Variants in WWOX observed in about 807,000 individuals in gnomAD.
The protein encoded by WWOX is WW domain containing oxidoreductase.
WWOX carries 69 observed loss-of-function variants against 46.2 expected under a neutral mutation model. That is an observed-to-expected ratio of 1.49 (90% CI 1.23 to 1.82). WWOX has a LOEUF of 1.82. WWOX is among the 40% of genes most tolerant of loss of function. WWOX has a pLI of 0.00. For synonymous variants in WWOX, 359 were observed against 202.6 expected, an observed-to-expected ratio of 1.77 and a Z score of -6.56; for missense variants, 919 against 542.6, an observed-to-expected ratio of 1.69 and a Z score of -6.89.
At chr16:79,157,422 CAAA>C (rs551488567) in intron 8 of WWOX, among the ~76,000 whole-genome samples, 5 of 106,780 alleles carry the variant, frequency 4.7e-5, no homozygotes, top group African/African-American at 3.7e-5. Context: ...ATACAATGGC[CAAA>C]AAAAAAAAAA....
chr16:78,770,418 G>C (rs1475431913), intron 8 of WWOX, among the ~76,000 whole-genome samples: 2 of 152,190 alleles, frequency 1.3e-5, no homozygotes, highest in African/African-American at 4.8e-5. Context: ...GTACCAATGG[G>C]GGATGGGGCA....
chr16:78,730,324 C>T (rs185487198), intron 8 of WWOX, among the ~76,000 whole-genome samples: 1 of 152,022 alleles, frequency 6.6e-6, no homozygotes. Context: ...TGCCTCCTTC[C>T]TTTTCTTCCC....
intron 8 of WWOX, among the ~76,000 whole-genome samples, chr16:79,070,471 C>G (rs542637404): frequency 4.1e-4 from 62 of 152,300 alleles, no homozygotes; most frequent in African/African-American, 1.4e-3. Context: ...TTTTTACTCA[C>G]CACCGATGGA....
intron 8 of WWOX, among the ~76,000 whole-genome samples, chr16:79,041,153 C>T (rs559688265): frequency 1.3e-4 from 20 of 152,256 alleles, no homozygotes; most frequent in African/African-American, 4.8e-4. Context: ...TGACACAATA[C>T]AGATATTGAC....
chr16:78,639,193 G>C (rs148218392), intron 8 of WWOX, among the ~76,000 whole-genome samples: 1 of 152,178 alleles, frequency 6.6e-6, no homozygotes, highest in African/African-American at 2.4e-5. Context: ...CTCCCAGGAT[G>C]TACAAAGTAC....
chr16:78,338,128 A>G lies in WWOX; in HGVS notation c.517-48732A>G, dbSNP rs1223726161. ...TTTAGGCAGTGTCTTTTGCTTTCAC[A>G]TGGTGTACCCAGTACTATTAATATG... On this transcript the variant is annotated intron_variant, in intron 5 of 8. Coordinates refer to ENST00000566780, the MANE Select transcript of WWOX (RefSeq NM_016373.4). 1.6e-5 allele frequency among the ~76,000 whole-genome samples: 2 copies of G among 121,520 alleles called. 1 individual carries two copies. Among genetic ancestry groups the G allele is most frequent in the Non-Finnish European group, 3.9e-5 (2 of 50,864 alleles). 79.7% of individuals were successfully genotyped at this position (121,520 alleles called of 152,430 possible). A position where few individuals can be genotyped will look rare whatever the true frequency, so the allele number is the denominator to read the frequency against.
chr16:78,867,438 C>T (rs995433112), intron 8 of WWOX, among the ~76,000 whole-genome samples: 1 of 151,780 alleles, frequency 6.6e-6, no homozygotes, highest in Non-Finnish European at 1.5e-5. Flanking sequence ...ATTATAGTTT[C>T]CAATTGACAG....
intron 5 of WWOX, among the ~76,000 whole-genome samples, chr16:78,317,404 A>G (rs2080376851): frequency 6.6e-6 from 1 of 152,196 alleles, no homozygotes; most frequent in African/African-American, 2.4e-5. Context: ...CATCTAGCAG[A>G]TAGATGCTGT....
At chr16:78,788,161 TTATC>T (rs2050502025) in intron 8 of WWOX, among the ~76,000 whole-genome samples, 1 of 152,208 alleles carries the variant, frequency 6.6e-6, no homozygotes, top group African/African-American at 2.4e-5. Flanking sequence ...GAAGTCCCCT[TTATC>T]TATTTTGGAT....
At chr16:78,311,502 C>A (rs1251294562) in intron 5 of WWOX, among the ~76,000 whole-genome samples, 1 of 152,190 alleles carries the variant, frequency 6.6e-6, no homozygotes, top group African/African-American at 2.4e-5. Flanking sequence ...GGCTTTTGAG[C>A]TACTTCCCTC....
At chr16:78,886,219 C>T (rs1318067355) in intron 8 of WWOX, among the ~76,000 whole-genome samples, 4 of 138,980 alleles carry the variant, frequency 2.9e-5, no homozygotes, top group South Asian at 4.9e-4. Context: ...ACCACTGCGC[C>T]TGACTGTACT....
rs7187195 is a variant in WWOX, at chr16:78,597,229, G to C, written c.1056+164477G>C. On this transcript the variant is annotated intron_variant, in intron 8 of 8. Coordinates refer to ENST00000566780, the MANE Select transcript of WWOX (RefSeq NM_016373.4). ...CCCAGGAGCTGTTGGGAAGTCCATA[G>C]GTGCTGTTTCCATTGCTTTTTCATT... 7.1e-3 allele frequency among the ~76,000 whole-genome samples: 1,081 copies of C among 152,274 alleles called. 20 individuals are homozygous for C. The highest frequency in any genetic ancestry group is 0.024 in the African/African-American group (1,009 of 41,538).
At chr16:79,041,927 A>C (rs753015209) in intron 8 of WWOX, among the ~76,000 whole-genome samples, 1 of 151,834 alleles carries the variant, frequency 6.6e-6, no homozygotes, top group Middle Eastern at 3.4e-3. Flanking sequence ...TCTCCTCTCT[A>C]AGAGTCTTGG....
At chr16:78,625,952 A>C (rs1289880910) in intron 8 of WWOX, among the ~76,000 whole-genome samples, 1 of 151,442 alleles carries the variant, frequency 6.6e-6, no homozygotes, top group Admixed American at 6.6e-5. Flanking sequence ...AAGTAATCGC[A>C]GTTTTTGCCA....
At chr16:78,942,582 C>G (rs13334706) in intron 8 of WWOX, among the ~76,000 whole-genome samples, 16,893 of 150,466 alleles carry the variant, frequency 0.11, 1,073 homozygotes, top group African/African-American at 0.16. Context: ...TTCAGACAAT[C>G]AAGGAGAGCG....
intron 5 of WWOX, among the ~76,000 whole-genome samples, chr16:78,250,012 C>G (rs1170556586): frequency 1.3e-5 from 2 of 152,214 alleles, no homozygotes; most frequent in East Asian, 1.9e-4. Flanking sequence ...CAAACCCACT[C>G]CAGACCTGTG....
At chr16:78,846,588 A>G (rs754126330) in intron 8 of WWOX, among the ~76,000 whole-genome samples, 15 of 152,142 alleles carry the variant, frequency 9.9e-5, no homozygotes, top group Non-Finnish European at 2.1e-4. Context: ...TTCGGCCATC[A>G]AGTCAGAGGA....
intron 8 of WWOX, among the ~76,000 whole-genome samples, chr16:78,476,459 G>A (rs1361525915): frequency 1.3e-5 from 2 of 152,108 alleles, no homozygotes; most frequent in African/African-American, 4.8e-5. Flanking sequence ...CCTGTTGTGG[G>A]GTGCGGGGAG....
intron 8 of WWOX, among the ~76,000 whole-genome samples, chr16:78,766,030 T>A (rs2049917824): frequency 6.6e-6 from 1 of 152,194 alleles, no homozygotes; most frequent in Admixed American, 6.5e-5. Context: ...AGAAAAGGTT[T>A]ACAGAGCCCA....
Sources: allele counts gnomAD v4.1 joint callset (sites outside exome capture counted in the v4.1 genomes callset), GRCh38; gene constraint gnomAD v4.1.1; transcripts MANE v1.5; gene names NCBI Gene and HGNC (gene_info 2026-07-23, HGNC 2026-07-21).